KHDRBS2: variants seen among roughly 807,000 people sequenced by gnomAD.
The protein encoded by KHDRBS2 is KH RNA binding domain containing, signal transduction associated 2.
In KHDRBS2, 26 loss-of-function variants were observed where a neutral mutation model predicts 44.3. The observed-to-expected ratio is 0.59, with a 90% confidence interval of 0.43 to 0.81. The LOEUF is 0.81. Among genes scored for constraint, KHDRBS2 ranks in the 40% least tolerant of loss-of-function variants. The probability of loss-of-function intolerance (pLI) is 0.00; values close to 1 mark genes in which losing one functional copy is unlikely to be tolerated. For missense variants in KHDRBS2, 476 were observed against 433.1 expected (o/e 1.10, Z -0.88); for synonymous variants, 194 against 151.1 (o/e 1.28, Z -2.08).
intron 4 of KHDRBS2, among the ~76,000 whole-genome samples, chr6:61,906,286 T>C (rs545830542): frequency 5.3e-5 from 8 of 152,306 alleles, no homozygotes; most frequent in African/African-American, 1.9e-4. Flanking sequence ...ATGTATATAT[T>C]TTTATAGAGT....
At chr6:62,271,400 A>G (rs976632549) in intron 1 of KHDRBS2, among the ~76,000 whole-genome samples, 1 of 152,206 alleles carries the variant, frequency 6.6e-6, no homozygotes, top group Non-Finnish European at 1.5e-5. Context: ...ACAATCATGT[A>G]TAGTTTATAA....
At chr6:61,707,674 A>G (rs963380033) in intron 7 of KHDRBS2, among the ~76,000 whole-genome samples, 9 of 151,702 alleles carry the variant, frequency 5.9e-5, no homozygotes, top group Non-Finnish European at 2.9e-5. Context: ...GTCATGATTA[A>G]CACTATCAAT....
chr6:61,600,052 C>T, the KHDRBS2 span, among the ~76,000 whole-genome samples: 1 of 152,172 alleles, frequency 6.6e-6, no homozygotes, highest in Non-Finnish European at 1.5e-5. Context: ...GGCTAGTCTG[C>T]ATAAATGCTT....
At chr6:61,687,464 T>C (rs1452463168) in intron 8 of KHDRBS2, among the ~76,000 whole-genome samples, 1 of 151,754 alleles carries the variant, frequency 6.6e-6, no homozygotes, top group East Asian at 1.9e-4. Flanking sequence ...ATTAATTATA[T>C]TTAAATATTT....
At chr6:62,210,162 C>G (rs142815445) in intron 1 of KHDRBS2, among the ~76,000 whole-genome samples, 4 of 152,088 alleles carry the variant, frequency 2.6e-5, no homozygotes, top group Non-Finnish European at 5.9e-5. Context: ...AGTATATTAT[C>G]AAAGAATCTC....
At chr6:61,973,802 C>T (rs1771927527) in intron 4 of KHDRBS2, among the ~76,000 whole-genome samples, 1 of 152,076 alleles carries the variant, frequency 6.6e-6, no homozygotes, top group African/African-American at 2.4e-5. Context: ...CAAGTTCTGT[C>T]AACTCTGCTA....
At chr6:61,705,009 A>G (rs1357382696) in intron 7 of KHDRBS2, among the ~76,000 whole-genome samples, 2 of 151,858 alleles carry the variant, frequency 1.3e-5, no homozygotes, top group Non-Finnish European at 2.9e-5. Context: ...AAACTGCTAA[A>G]TGTAGTTTTT....
chr6:62,076,743 T>C (rs1362109502), intron 2 of KHDRBS2, among the ~76,000 whole-genome samples: 1 of 151,918 alleles, frequency 6.6e-6, no homozygotes, highest in Non-Finnish European at 1.5e-5. Flanking sequence ...TCAATAGTAT[T>C]TGCTGAAAGA....
intron 2 of KHDRBS2, among the ~76,000 whole-genome samples, chr6:62,085,172 G>A (rs1798161453): frequency 6.6e-6 from 1 of 152,120 alleles, no homozygotes; most frequent in South Asian, 2.1e-4. Context: ...ATATTAGGAT[G>A]CTTAAGAAAT....
At chr6:62,121,213 G>A (rs879309060) in intron 2 of KHDRBS2, among the ~76,000 whole-genome samples, 1 of 152,156 alleles carries the variant, frequency 6.6e-6, no homozygotes, top group Non-Finnish European at 1.5e-5. Context: ...TAGGATGAGA[G>A]CCATTATGGT....
chr6:61,550,847 A>C, the KHDRBS2 span, among the ~76,000 whole-genome samples: 2 of 139,370 alleles, frequency 1.4e-5, no homozygotes, highest in Non-Finnish European at 3.0e-5. Flanking sequence ...ATCTCGGCTC[A>C]CTGCAGCCTC....
chr6:61,775,023 A>T (rs1015548460), intron 6 of KHDRBS2, among the ~76,000 whole-genome samples: 2 of 152,180 alleles, frequency 1.3e-5, no homozygotes, highest in Admixed American at 1.3e-4. Context: ...ACATATAAAC[A>T]GAACCAAAGA....
intron 2 of KHDRBS2, among the ~76,000 whole-genome samples, chr6:62,068,342 A>C (rs1794225798): frequency 2.0e-5 from 3 of 151,422 alleles, no homozygotes; most frequent in African/African-American, 4.8e-5. Context: ...GTCTATGCAG[A>C]TTATATATCC....
the KHDRBS2 span, among the ~76,000 whole-genome samples, chr6:61,665,550 G>T: frequency 6.6e-6 from 1 of 151,268 alleles, no homozygotes; most frequent in East Asian, 2.0e-4. Flanking sequence ...TCAAAACTGT[G>T]TAATCAATAA....
intron 2 of KHDRBS2, 75 bp from the exon 3 acceptor site, chr6:62,048,069 G>A (rs1056146572): frequency 4.9e-6 from 4 of 815,906 alleles, no homozygotes; most frequent in Admixed American, 1.8e-5. Flanking sequence ...GTAATTGATA[G>A]GTTATAGGTT....
At chr6:62,022,101 CTTGA>C in intron 3 of KHDRBS2, among the ~76,000 whole-genome samples, 1 of 150,860 alleles carries the variant, frequency 6.6e-6, no homozygotes, top group Middle Eastern at 3.4e-3. Flanking sequence ...TAGGAAAGCT[CTTGA>C]TAATTGTTAG....
chr6:62,137,812 G>C lies in KHDRBS2; in HGVS notation c.219+39373C>G, dbSNP rs374795524. On this transcript the variant is annotated intron_variant, in intron 2 of 8. Transcript: ENST00000281156. ...CATAGACTACCACTTTACAAACTTT[G>C]ATTTGAGTTTTCATACATTATTTAA... Among the ~76,000 whole-genome samples, 548 of 152,198 alleles carry C rather than the reference G, an allele frequency of 3.6e-3. 2 individuals are homozygous for C. The highest frequency in any genetic ancestry group is 0.013 in the African/African-American group (532 of 41,506).
chr6:62,256,140 GA>G (rs70996213), intron 1 of KHDRBS2, among the ~76,000 whole-genome samples: 15 of 149,778 alleles, frequency 1.0e-4, no homozygotes, highest in East Asian at 8.0e-4. Context: ...AACTCCGAAA[GA>G]AAAAAAAACC....
chr6:62,050,429 T>TAAAAA (rs34093577), intron 2 of KHDRBS2, among the ~76,000 whole-genome samples: 1 of 146,826 alleles, frequency 6.8e-6, no homozygotes. Flanking sequence ...AACTTAAAGT[T>TAAAAA]AAAAAAAAAA....
Sources: allele counts gnomAD v4.1 joint callset (sites outside exome capture counted in the v4.1 genomes callset), GRCh38; gene constraint gnomAD v4.1.1; transcripts MANE v1.5; gene names NCBI Gene and HGNC (gene_info 2026-07-23, HGNC 2026-07-21).